The following RTL4 variants were observed in gnomAD, a reference collection of about 807,000 sequenced individuals.
RTL4 encodes the protein retrotransposon Gag like 4, also known as retrotransposon Gag-like protein 4.
A neutral mutation model predicts 5.3 loss-of-function variants in RTL4; 4 were observed. The ratio of observed to expected loss-of-function variants is 0.75; its 90% CI spans 0.37 to 1.72. The LOEUF (loss-of-function observed/expected upper bound fraction) is 1.72, where lower values mean the gene tolerates loss of function less well. Ranked by LOEUF, RTL4 falls within the 40% of genes most tolerant of loss-of-function variation. The probability of loss-of-function intolerance (pLI) is 0.04; values close to 1 mark genes in which losing one functional copy is unlikely to be tolerated. For missense variants in RTL4, 260 were observed against 227.1 expected (o/e 1.14, Z -0.93); for synonymous variants, 98 against 87.3 (o/e 1.12, Z -0.68).
the RTL4 span, among the ~76,000 whole-genome samples, chrX:112,388,750 C>T: frequency 3.6e-5 from 4 of 112,226 alleles, no homozygotes; most frequent in Non-Finnish European, 7.5e-5. Flanking sequence ...CCTCACATCC[C>T]AGGGATGAAG....
the RTL4 span, among the ~76,000 whole-genome samples, chrX:112,402,400 TTGTGTGTGTGTGTG>T: frequency 9.9e-3 from 866 of 87,392 alleles, 2 homozygotes; most frequent in East Asian, 0.039. Flanking sequence ...GGAATTATTA[TTGTGTGTGTGTGTG>T]TGTGTGTGTG....
chrX:112,289,324 C>T, the RTL4 span, among the ~76,000 whole-genome samples: 1 of 112,352 alleles, frequency 8.9e-6, no homozygotes, highest in African/African-American at 3.2e-5. Flanking sequence ...GAAAAGCCAA[C>T]TTTGTGGCAA....
chrX:112,447,806 A>G, the RTL4 span, among the ~76,000 whole-genome samples: 21 of 112,150 alleles, frequency 1.9e-4, no homozygotes, highest in South Asian at 3.7e-3. Context: ...ATTCACTCAT[A>G]GTCAAGACTT....
chrX:112,311,579 C>T, the RTL4 span, among the ~76,000 whole-genome samples: 21 of 111,132 alleles, frequency 1.9e-4, no homozygotes, highest in African/African-American at 6.8e-4. Context: ...TCCCTCCTCC[C>T]CTGCCTGCTG....
chrX:112,089,219 T>C, the RTL4 span, among the ~76,000 whole-genome samples: 3 of 111,093 alleles, frequency 2.7e-5, no homozygotes, highest in African/African-American at 9.8e-5. Flanking sequence ...CATTAACTCG[T>C]AATTTAGCAT....
At chrX:112,232,944 G>A in the RTL4 span, among the ~76,000 whole-genome samples, 1 of 111,171 alleles carries the variant, frequency 9.0e-6, no homozygotes, top group African/African-American at 3.3e-5. Context: ...GGGGGATGGT[G>A]ATGGTATTAC....
the RTL4 span, among the ~76,000 whole-genome samples, chrX:112,387,546 G>C: frequency 4.3e-3 from 473 of 110,872 alleles, 4 homozygotes; most frequent in African/African-American, 0.014. Context: ...CTAGGGAAAG[G>C]GAGAGAGCAC....
chrX:112,271,406 T>C, the RTL4 span, among the ~76,000 whole-genome samples: 530 of 113,590 alleles, frequency 4.7e-3, 3 homozygotes, highest in African/African-American at 0.016. Context: ...AACTGCATGC[T>C]TTGTTCAAAG....
At chrX:112,123,478 A>T in the RTL4 span, among the ~76,000 whole-genome samples, 1 of 111,833 alleles carries the variant, frequency 8.9e-6, no homozygotes. Context: ...ATCCATCTTG[A>T]GTTAATTTTT....
the RTL4 span, among the ~76,000 whole-genome samples, chrX:112,287,091 C>T: frequency 8.9e-6 from 1 of 111,930 alleles, no homozygotes; most frequent in Non-Finnish European, 1.9e-5. Context: ...GGAAAAACGT[C>T]TTACTTATTT....
the RTL4 span, among the ~76,000 whole-genome samples, chrX:112,303,774 A>T: frequency 0.01 from 1,100 of 108,114 alleles, 14 homozygotes; most frequent in African/African-American, 0.034. Flanking sequence ...AAAAAAAATT[A>T]AAAAAAAAGA....
the RTL4 span, among the ~76,000 whole-genome samples, chrX:112,267,696 C>T: frequency 1.8e-5 from 2 of 111,650 alleles, no homozygotes; most frequent in Non-Finnish European, 3.8e-5. Flanking sequence ...ACATGTTTCT[C>T]CTATAGTCTC....
At chrX:112,247,690 G>C in the RTL4 span, among the ~76,000 whole-genome samples, 2 of 112,080 alleles carry the variant, frequency 1.8e-5, no homozygotes, top group Non-Finnish European at 3.8e-5. Context: ...ATTAAATCCC[G>C]GTTTGATGCC....
chrX:112,386,821 G>T, the RTL4 span, among the ~76,000 whole-genome samples: 30 of 111,630 alleles, frequency 2.7e-4, no homozygotes, highest in East Asian at 2.8e-4. Context: ...AAACATGCAT[G>T]TGCAAGTATC....
chrX:112,360,225 C>T, the RTL4 span, among the ~76,000 whole-genome samples: 1 of 110,993 alleles, frequency 9.0e-6, no homozygotes, highest in African/African-American at 3.3e-5. Flanking sequence ...TTCTCTAGGT[C>T]CTTTTAAATC....
At chrX:112,360,815 T>A in the RTL4 span, among the ~76,000 whole-genome samples, 1 of 111,117 alleles carries the variant, frequency 9.0e-6, no homozygotes, top group Non-Finnish European at 1.9e-5. Context: ...AAGCAGCATT[T>A]CATTAAACCT....
chrX:112,198,495 C>T, the RTL4 span, among the ~76,000 whole-genome samples: 44 of 111,688 alleles, frequency 3.9e-4, no homozygotes, highest in African/African-American at 1.4e-3. Context: ...TTAACCAGGC[C>T]GCATTCTTTT....
chrX:112,351,857 G>C, the RTL4 span, among the ~76,000 whole-genome samples: 9 of 109,957 alleles, frequency 8.2e-5, no homozygotes, highest in South Asian at 3.6e-3. Flanking sequence ...GGAGTATTTA[G>C]CCCATTTACA....
At chrX:112,331,414 T>C in the RTL4 span, among the ~76,000 whole-genome samples, 3 of 106,381 alleles carry the variant, frequency 2.8e-5, no homozygotes, top group East Asian at 3.0e-4. Flanking sequence ...AAAATGCTCA[T>C]CATCACTGGC....
Sources: allele counts gnomAD v4.1 joint callset (sites outside exome capture counted in the v4.1 genomes callset), GRCh38; gene constraint gnomAD v4.1.1; transcripts MANE v1.5; gene names NCBI Gene and HGNC (gene_info 2026-07-23, HGNC 2026-07-21).